Variants in PIRT observed in about 807,000 individuals in gnomAD.
PIRT encodes phosphoinositide-interacting protein.
In PIRT, 6 loss-of-function variants were observed where a neutral mutation model predicts 7.9. That is an observed-to-expected ratio of 0.76 (90% CI 0.42 to 1.51). The LOEUF (loss-of-function observed/expected upper bound fraction) is 1.51. Ranked by LOEUF, PIRT falls within the 40% of genes most tolerant of loss-of-function variation. PIRT has a pLI of 0.01. For missense variants in PIRT, 170 were observed against 172.9 expected (o/e 0.98, Z 0.09); for synonymous variants, 78 against 71.8 (o/e 1.09, Z -0.44).
At position 10,825,275 on chromosome 17, in the gene PIRT, G is replaced by T; in HGVS notation, c.371C>A (p.Ser124Ter). 6.2e-7 allele frequency: 1 copy of T among 1,613,942 alleles called. No individual in the cohort carries two copies. Among genetic ancestry groups the T allele is most frequent in the South Asian group, 1.1e-5 (1 of 91,060 alleles). ...IKKKQKHRQK[S>*]NFLRSLKSFF... ...GGACTTGAGGCTGCGTAAGAAATTC[G>T]ACTTCTGTCTGTGCTTCTGTTTCTT... Residue 124 changes from serine (S) to a stop codon, truncating the protein, a stop_gained, in exon 2 of 2, where the codon TCG becomes TAG. Transcript: ENST00000580256. LOFTEE classifies it high-confidence loss of function.
Position 10,825,600 on chromosome 17 carries a change from A to C in PIRT, c.46T>G (p.Ser16Ala). ...LPKVLEVDEK[S>A]PEAKDLLPSQ... ...GGCAGCAGGTCCTTGGCTTCTGGAG[A>C]CTTCTCATCGACCTCTAGAACCTTG... The change falls in exon 2 of 2, where the codon TCT (serine) becomes GCT (alanine). Residue 16 changes from serine (S) to alanine (A), a missense_variant. Physicochemically the swap from Ser to Ala is moderately conservative, Grantham distance 99 (BLOSUM62 1). Transcript: ENST00000580256. 1 of 1,548,468 alleles carries C rather than the reference A, an allele frequency of 6.5e-7. No individual in the cohort carries two copies. Among genetic ancestry groups the C allele is most frequent in the South Asian group, 1.2e-5 (1 of 82,214 alleles).
chr17:10,825,125 T>G lies in PIRT; in HGVS notation c.*107A>C. On this transcript the variant is annotated 3_prime_UTR_variant, in exon 2 of 2. Coordinates refer to ENST00000580256, the MANE Select transcript of PIRT (RefSeq NM_001101387.2). ...CTTCCCCACAGGGTCAGGAAGAGCA[T>G]TTTCCTGGATCAGTTTTATGGCACC... The G allele has an allele frequency of 1.4e-6, 2 of 1,398,400 alleles. No homozygotes were observed. The highest frequency in any genetic ancestry group is 1.9e-6 in the Non-Finnish European group (2 of 1,033,736). 86.6% of individuals were successfully genotyped at this position (1,398,400 alleles called of 1,614,324 possible). A position where few individuals can be genotyped will look rare whatever the true frequency, so the allele number is the denominator to read the frequency against.
At position 10,825,325 on chromosome 17, in the gene PIRT, C is replaced by T. The variant is rs754969694; in HGVS notation, c.321G>A (p.Gly107=). The T allele has an allele frequency of 6.2e-7, 1 of 1,613,834 alleles. No homozygotes were observed. Among genetic ancestry groups the T allele is most frequent in the Non-Finnish European group, 8.5e-7 (1 of 1,179,888 alleles). ...TTTTGATGATGGGCACCCACACCAG[C>T]CCGCACACCAGCATCATGAGTCCCA... The part of the protein sequence containing the change: ...LSLGLMMLVC[G]LVWVPIIKKK... The change falls in exon 2 of 2, where the codon GGG becomes GGA. Residue 107 remains glycine (G), a synonymous_variant. Coordinates refer to ENST00000580256, the MANE Select transcript of PIRT (RefSeq NM_001101387.2).
At chr17:10,828,239 G>C (rs189162780) in intron 1 of PIRT, among the ~76,000 whole-genome samples, 1 of 152,240 alleles carries the variant, frequency 6.6e-6, no homozygotes, top group Non-Finnish European at 1.5e-5. Context: ...TGTACCCCGA[G>C]TCCTCAAGCT....
intron 1 of PIRT, among the ~76,000 whole-genome samples, chr17:10,835,959 G>A (rs1905579918): frequency 6.6e-6 from 1 of 150,436 alleles, no homozygotes. Context: ...CTAGAGTGAA[G>A]TGGTGTGATC....
rs1269677075 is a variant in PIRT at position 10,825,235 on chromosome 17, G to T, written c.411C>A (p.Arg137=). 4.3e-6 allele frequency: 7 copies of T among 1,613,168 alleles called. No homozygotes were observed. The African/African-American group carries it at 5.3e-5, about 12-fold the overall frequency. ...LRSLKSFFLT[R] is the part of the protein sequence containing the mutation. Reference sequence around the variant, plus strand: ...CAGGGAGATGCGGAAACCACCATCAGCGAGTCAGGAAGAAGGACTTGAGGC... The same window carrying T: ...CAGGGAGATGCGGAAACCACCATCATCGAGTCAGGAAGAAGGACTTGAGGC... Residue 137 remains arginine, a synonymous_variant, in exon 2 of 2, where the codon CGC becomes CGA. Coordinates refer to ENST00000580256, the MANE Select transcript of PIRT (RefSeq NM_001101387.2).
chr17:10,829,101 C>A (rs1347842027), intron 1 of PIRT, among the ~76,000 whole-genome samples: 1 of 152,222 alleles, frequency 6.6e-6, no homozygotes, highest in African/African-American at 2.4e-5. Flanking sequence ...AGACCTTGTG[C>A]TGCTTACTGC....
chr17:10,832,436 G>A (rs369192362), intron 1 of PIRT, among the ~76,000 whole-genome samples: 7 of 151,920 alleles, frequency 4.6e-5, no homozygotes, highest in South Asian at 2.1e-4. Flanking sequence ...CACGTGATCC[G>A]CCCACCTCAG....
chr17:10,826,343 C>T (rs1362620738), intron 1 of PIRT, among the ~76,000 whole-genome samples: 1 of 152,152 alleles, frequency 6.6e-6, no homozygotes, highest in Non-Finnish European at 1.5e-5. Flanking sequence ...ATTACTCAAC[C>T]TCTCTTTGTC....
At chr17:10,833,367 A>G (rs1287316140) in intron 1 of PIRT, among the ~76,000 whole-genome samples, 1 of 152,230 alleles carries the variant, frequency 6.6e-6, no homozygotes, top group East Asian at 1.9e-4. Context: ...TAAAATAGAT[A>G]TCATCAAAAT....
intron 1 of PIRT, among the ~76,000 whole-genome samples, chr17:10,827,465 C>CTTTTTTTTTTTCTTTTTTTTTT (rs1905354459): frequency 1.8e-5 from 1 of 56,292 alleles, no homozygotes; most frequent in Non-Finnish European, 3.2e-5. Context: ...TTTTTCTTTT[C>CTTTTTTTTTTTCTTTTTTTTTT]TTTTTTTTTT....
rs564424476 is a variant in PIRT, at chr17:10,823,872, A to T, written c.*1360T>A. The T allele has an allele frequency of 1.3e-5, 2 of 152,346 alleles. No homozygotes were observed. Among genetic ancestry groups the T allele is most frequent in the African/African-American group, 4.8e-5 (2 of 41,572 alleles). 9.4% of individuals were successfully genotyped at this position (152,346 alleles called of 1,614,324 possible). On this transcript the variant is annotated 3_prime_UTR_variant, in exon 2 of 2. Transcript: ENST00000580256. ...AGGTGGGAAGCCGGGAAAGAGAGGGATGAAGTAAAAACATCTGGGAGGTCA... is the reference window on the plus strand; with the variant it reads ...AGGTGGGAAGCCGGGAAAGAGAGGGTTGAAGTAAAAACATCTGGGAGGTCA...
chr17:10,829,463 C>G (rs976635800), intron 1 of PIRT, among the ~76,000 whole-genome samples: 1 of 152,318 alleles, frequency 6.6e-6, no homozygotes, highest in African/African-American at 2.4e-5. Context: ...CTTTCTGGCT[C>G]TGCAACGCGG....
chr17:10,836,284 A>G (rs886886011), intron 1 of PIRT, among the ~76,000 whole-genome samples: 2 of 152,068 alleles, frequency 1.3e-5, no homozygotes, highest in South Asian at 2.1e-4. Context: ...CCTTCCTTGC[A>G]TTCTACCACC....
At chr17:10,826,505 G>A (rs1214827489) in intron 1 of PIRT, among the ~76,000 whole-genome samples, 2 of 152,208 alleles carry the variant, frequency 1.3e-5, no homozygotes. Flanking sequence ...GAAGAGTGAT[G>A]CTTTACAGAT....
intron 1 of PIRT, among the ~76,000 whole-genome samples, chr17:10,827,880 C>T (rs1905371583): frequency 6.6e-6 from 1 of 152,152 alleles, no homozygotes. Flanking sequence ...TAGGTACTTT[C>T]CTGAGGATAG....
intron 1 of PIRT, among the ~76,000 whole-genome samples, chr17:10,836,619 G>C (rs1298530758): frequency 6.6e-6 from 1 of 152,184 alleles, no homozygotes; most frequent in Non-Finnish European, 1.5e-5. Context: ...CTTGGGCCTG[G>C]AGTTATCTGG....
Position 10,825,236 on chromosome 17 carries a change from C to T in PIRT, c.410G>A (p.Arg137His), listed in dbSNP as rs201957380. The T allele has an allele frequency of 8.3e-5, 134 of 1,612,946 alleles. No homozygotes were observed. Among genetic ancestry groups the T allele is most frequent in the African/African-American group, 4.0e-4 (30 of 75,002 alleles). Residue 137 changes from arginine (R) to histidine (H), a missense_variant, in exon 2 of 2, where the codon CGC becomes CAC. Coordinates refer to ENST00000580256, the MANE Select transcript of PIRT (RefSeq NM_001101387.2). ...LRSLKSFFLT[R>H] ...AGGGAGATGCGGAAACCACCATCAG[C>T]GAGTCAGGAAGAAGGACTTGAGGCT...
chr17:10,830,192 C>T (rs981527945), intron 1 of PIRT, among the ~76,000 whole-genome samples: 7 of 152,170 alleles, frequency 4.6e-5, no homozygotes, highest in African/African-American at 1.2e-4. Flanking sequence ...CTCCCTCCCA[C>T]GCTACTCTCT....
Sources: allele counts gnomAD v4.1 joint callset (sites outside exome capture counted in the v4.1 genomes callset), GRCh38; gene constraint gnomAD v4.1.1; transcripts MANE v1.5; gene names NCBI Gene and HGNC (gene_info 2026-07-23, HGNC 2026-07-21).